NTMT1: variants seen among roughly 807,000 people sequenced by gnomAD.
NTMT1 encodes N-terminal RCC1 methyltransferase.
NTMT1 carries 8 observed loss-of-function variants against 17.5 expected under a neutral mutation model. That is an observed-to-expected ratio of 0.46 (90% confidence interval 0.27 to 0.82). NTMT1 has a LOEUF of 0.82. Among genes scored for constraint, NTMT1 ranks in the 40% least tolerant of loss-of-function variants. The pLI is 0.15. For synonymous variants in NTMT1, 128 were observed against 126.8 expected (o/e 1.01, Z -0.06); for missense variants, 221 against 303.5 (o/e 0.73, Z 2.02).
rs1395001917 is a variant in NTMT1, at chr9:129,632,245, TC to T, written c.-54-404del. ...GGGAGAATCTCTTGAGGTCAGGACTTCAAGACCAACCTTTGTAACATAGTGA... is the reference window on the plus strand; with the variant it reads ...GGGAGAATCTCTTGAGGTCAGGACTTAAGACCAACCTTTGTAACATAGTGA... On this transcript the variant is annotated intron_variant, in intron 1 of 3. Coordinates refer to ENST00000372483, the MANE Select transcript of NTMT1 (RefSeq NM_014064.4). Among the ~76,000 whole-genome samples, 4 of 152,056 alleles carry T rather than the reference TC, an allele frequency of 2.6e-5. No homozygotes were observed. The East Asian group carries it at 7.7e-4, about 29-fold the overall frequency.
At position 129,614,373 on chromosome 9, in the gene NTMT1, G is replaced by A. The variant is rs1172014835; in HGVS notation, c.-55+5195G>A. Among the ~76,000 whole-genome samples, 4 of 152,174 alleles carry A rather than the reference G, an allele frequency of 2.6e-5. No individual in the cohort carries two copies. The highest frequency in any genetic ancestry group is 4.4e-5 in the Non-Finnish European group (3 of 68,038). Reference sequence around the variant, plus strand: ...TGCGTCAGATCCCTCCCAAATCAGCGAAGGTCCTAGGTTTGCAGGGCATCG... The same window carrying A: ...TGCGTCAGATCCCTCCCAAATCAGCAAAGGTCCTAGGTTTGCAGGGCATCG... On this transcript the variant is annotated intron_variant, in intron 1 of 3. Transcript: ENST00000372486. The surrounding 1 kb of genome is among the most constrained non-coding windows in gnomAD (Gnocchi z 4.4).
At chr9:129,619,496 A>C (rs1160354940) in intron 1 of NTMT1, 9 of 1,554,594 alleles carry the variant, frequency 5.8e-6, no homozygotes, top group Non-Finnish European at 8.0e-6. Context: ...CCACTACCCT[A>C]CCCTTATCCC....
Position 129,620,655 on chromosome 9 carries a change from A to G in NTMT1, c.-55+11477A>G. 7 of 1,210,312 alleles carry G rather than the reference A, an allele frequency of 5.8e-6. No homozygotes were observed. The highest frequency in any genetic ancestry group is 6.2e-6 in the Non-Finnish European group (6 of 961,982). The allele number at this position is 1,210,312 out of a possible 1,614,324, so 75.0% of individuals were successfully genotyped here. A position where few individuals can be genotyped will look rare whatever the true frequency, so the allele number is the denominator to read the frequency against. ...GGCTGAGGTGGGGAGGGCATAGTCC[A>G]GCCCCAGGCCATAGTGCCCCGGGCG... On this transcript the variant is annotated intron_variant, in intron 1 of 3. Transcript: ENST00000372486. The surrounding 1 kb of genome is among the most constrained non-coding windows in gnomAD (Gnocchi z 5.8).
At chr9:129,633,073 G>T (rs1831268977) in intron 2 of NTMT1, 2 of 540,282 alleles carry the variant, frequency 3.7e-6, no homozygotes, top group Non-Finnish European at 3.3e-6. Context: ...TACCAGACAG[G>T]AGCTGGCTGT....
chr9:129,620,491 G>T lies in NTMT1; in HGVS notation c.-55+11313G>T. On this transcript the variant is annotated intron_variant, in intron 1 of 3. Coordinates refer to the NTMT1 transcript ENST00000372486. This position sits in a 1 kb window ranked among gnomAD's most constrained non-coding sequence, Gnocchi z 5.8. ...GGGTCAGCTTGGGCAGCCGCGGGTC[G>T]CTGCTGCGTCGGAAGTCTCCGTCGC... The T allele has an allele frequency of 7.1e-7, 1 of 1,403,638 alleles. No individual in the cohort carries two copies. The allele number at this position is 1,403,638 out of a possible 1,614,324, so 86.9% of individuals were successfully genotyped here.
upstream of NTMT1, among the ~76,000 whole-genome samples, chr9:129,623,468 C>A (rs370314923): frequency 7.9e-4 from 120 of 152,336 alleles, no homozygotes; most frequent in African/African-American, 2.8e-3. Flanking sequence ...TGGGCCTTAT[C>A]TCTGAGTCTT....
At position 129,627,880 on chromosome 9, in the gene NTMT1, A is replaced by G. The variant is rs150919672; in HGVS notation, c.-55+1585A>G. Reference sequence around the variant, plus strand: ...ACGTGAGGAGGATGAGATGACTGCAAAAGTCTGCCGGTGACAGTTTCAGCA... The same window carrying G: ...ACGTGAGGAGGATGAGATGACTGCAGAAGTCTGCCGGTGACAGTTTCAGCA... On this transcript the variant is annotated intron_variant, in intron 1 of 3. Coordinates refer to ENST00000372483, the MANE Select transcript of NTMT1 (RefSeq NM_014064.4). Among the ~76,000 whole-genome samples the G allele has an allele frequency of 1.5e-3, 235 of 152,310 alleles. 4 individuals are homozygous for G. The highest frequency in any genetic ancestry group is 5.4e-3 in the African/African-American group (225 of 41,570).
intron 1 of NTMT1, among the ~76,000 whole-genome samples, chr9:129,627,173 A>T (rs927256332): frequency 6.6e-6 from 1 of 152,024 alleles, no homozygotes; most frequent in African/African-American, 2.4e-5. Flanking sequence ...GGTTGGAAGG[A>T]TGCATGGAGC....
upstream of NTMT1, among the ~76,000 whole-genome samples, chr9:129,623,345 A>AG (rs1564342255): frequency 9.8e-5 from 14 of 142,712 alleles, no homozygotes; most frequent in South Asian, 2.2e-4. Context: ...AAAAAAAAAA[A>AG]GAAGGAAGGA....
chr9:129,625,927 G>A (rs1337834724), upstream of NTMT1, among the ~76,000 whole-genome samples: 5 of 151,236 alleles, frequency 3.3e-5, no homozygotes, highest in South Asian at 8.3e-4. Context: ...CAGGAGAATC[G>A]CTGGAACCTG....
In NTMT1 at chr9:129,620,875, A is replaced by T. The variant is rs962189978; in HGVS notation, c.-55+11697A>T. 2.5e-5 allele frequency: 8 copies of T among 322,080 alleles called. No homozygotes were observed. The Admixed American group carries it at 3.9e-4, about 16-fold the overall frequency. The allele number at this position is 322,080 out of a possible 1,614,324, so 20.0% of individuals were successfully genotyped here. Reference sequence around the variant, plus strand: ...CAGCAAGCTCGGTACAGTGCCAGGCACGCTGGCCAAGCTTACACATAGACT... The same window carrying T: ...CAGCAAGCTCGGTACAGTGCCAGGCTCGCTGGCCAAGCTTACACATAGACT... On this transcript the variant is annotated intron_variant, in intron 1 of 3. Coordinates refer to the NTMT1 transcript ENST00000372486. This position sits in a 1 kb window ranked among gnomAD's most constrained non-coding sequence, Gnocchi z 5.8.
intron 1 of NTMT1, chr9:129,619,592 A>G (rs749732506): frequency 1.2e-6 from 2 of 1,614,042 alleles, no homozygotes; most frequent in Non-Finnish European, 1.7e-6. Context: ...TGTCTGCTGG[A>G]GCGAAATCTT....
intron 1 of NTMT1, among the ~76,000 whole-genome samples, chr9:129,632,390 G>A (rs953535208): frequency 1.3e-5 from 2 of 152,194 alleles, no homozygotes; most frequent in African/African-American, 4.8e-5. Context: ...GCTGCATTGA[G>A]CTATGATCAC....
chr9:129,608,919 G>A lies in NTMT1; in HGVS notation c.-314G>A, dbSNP rs41276766. Reference sequence around the variant, plus strand: ...GCCCCATGTGCGGCAGGAAGAAGCAGCCTCCACAGGACTGCGCTCAGCGGG... The same window carrying A: ...GCCCCATGTGCGGCAGGAAGAAGCAACCTCCACAGGACTGCGCTCAGCGGG... On this transcript the variant is annotated 5_prime_UTR_variant, in exon 1 of 4. Coordinates refer to the NTMT1 transcript ENST00000372486. 4.0e-3 allele frequency: 617 copies of A among 152,598 alleles called. 16 individuals are homozygous for A. In the East Asian group the frequency reaches 0.063, roughly 16 times the overall value. The allele number at this position is 152,598 out of a possible 1,614,324, so 9.5% of individuals were successfully genotyped here.
At chr9:129,619,713 C>T in intron 1 of NTMT1, 1 of 1,612,804 alleles carries the variant, frequency 6.2e-7, no homozygotes, top group Non-Finnish European at 8.5e-7. Context: ...CAACCCCGTC[C>T]CCACCAAGAA....
At chr9:129,615,512 CGTTGTGTCCT>C (rs779529919) in intron 1 of NTMT1, 1 of 1,606,558 alleles carries the variant, frequency 6.2e-7, no homozygotes, top group East Asian at 2.2e-5. Flanking sequence ...AGTAGCGGAG[CGTTGTGTCCT>C]GCAGGGTCTC....
chr9:129,613,025 C>T lies in NTMT1; in HGVS notation c.-55+3847C>T, dbSNP rs2118850931. The T allele has an allele frequency of 1.3e-6, 2 of 1,572,904 alleles. No homozygotes were observed. Among genetic ancestry groups the T allele is most frequent in the South Asian group, 1.1e-5 (1 of 87,822 alleles). The stretch of plus-strand genomic sequence containing the variant: ...GGTCCACTCCCAGCCCCAGCCACTC[C>T]ACCAAACAGGGCTGCTCCCGGAGCC... On this transcript the variant is annotated intron_variant, in intron 1 of 3. Coordinates refer to the NTMT1 transcript ENST00000372486. This position sits in a 1 kb window ranked among gnomAD's most constrained non-coding sequence, Gnocchi z 6.2.
upstream of NTMT1, among the ~76,000 whole-genome samples, chr9:129,623,865 C>T (rs539660649): frequency 7.5e-6 from 1 of 132,582 alleles, no homozygotes; most frequent in East Asian, 2.2e-4. Flanking sequence ...GCGATCTCAG[C>T]TCACTGCAAG....
In NTMT1 at chr9:129,613,364, G is replaced by A. The variant is rs995350214; in HGVS notation, c.-55+4186G>A. The A allele has an allele frequency of 6.3e-7, 1 of 1,587,094 alleles. No homozygotes were observed. Among genetic ancestry groups the A allele is most frequent in the Admixed American group, 1.7e-5 (1 of 57,902 alleles). Reference sequence around the variant, plus strand: ...CAACCCGCCTGCTGCTGGGTGGGGAGGTCTGTAGGCAAGGGGGGTGGAGGG... The same window carrying A: ...CAACCCGCCTGCTGCTGGGTGGGGAAGTCTGTAGGCAAGGGGGGTGGAGGG... On this transcript the variant is annotated intron_variant, in intron 1 of 3. Coordinates refer to the NTMT1 transcript ENST00000372486. The surrounding 1 kb of genome is among the most constrained non-coding windows in gnomAD (Gnocchi z 6.2).
Sources: gnomAD v4.1 joint callset for allele counts (sites outside exome capture counted in the v4.1 genomes callset) on GRCh38, gnomAD v4.1.1 for gene constraint, Gnocchi (gnomAD v3.1) non-coding constraint, MANE v1.5 for transcripts, NCBI Gene and HGNC (gene_info 2026-07-23, HGNC 2026-07-21) for gene names.